Variants in LRRC28 observed in about 807,000 individuals in gnomAD.
The protein encoded by LRRC28 is leucine-rich repeat-containing protein 28.
LRRC28 carries 39 observed loss-of-function variants against 45.7 expected under a neutral mutation model. That is an observed-to-expected ratio of 0.85 (90% CI 0.66 to 1.12). The LOEUF is 1.12. Ranked by LOEUF, LRRC28 falls within the 50% of genes most tolerant of loss-of-function variation. The pLI is 0.00. For synonymous variants in LRRC28, 206 were observed against 178.8 expected (o/e 1.15, Z -1.22); for missense variants, 435 against 438.5 (o/e 0.99, Z 0.07).
chr15:99,277,452 C>T (rs1020321703), intron 3 of LRRC28, among the ~76,000 whole-genome samples: 1 of 152,060 alleles, frequency 6.6e-6, no homozygotes, highest in Non-Finnish European at 1.5e-5. Flanking sequence ...GTCTCCTACC[C>T]CTCTGCCCCC....
chr15:99,352,678 CTTTT>C (rs1416259879), intron 7 of LRRC28, among the ~76,000 whole-genome samples: 4 of 152,102 alleles, frequency 2.6e-5, no homozygotes, highest in Non-Finnish European at 4.4e-5. Flanking sequence ...CCATGTATAC[CTTTT>C]TTTATTACAG....
At chr15:99,257,762 G>A (rs995979250) in intron 2 of LRRC28, 41 of 774,680 alleles carry the variant, frequency 5.3e-5, no homozygotes, top group Admixed American at 3.6e-4. Flanking sequence ...GCTCAAGGAT[G>A]GATGATGAAG....
At chr15:99,278,070 A>T (rs1180809186) in intron 3 of LRRC28, among the ~76,000 whole-genome samples, 1 of 152,168 alleles carries the variant, frequency 6.6e-6, no homozygotes, top group Non-Finnish European at 1.5e-5. Context: ...TTTTCATGAT[A>T]GATTCTCTAT....
intron 9 of LRRC28, among the ~76,000 whole-genome samples, chr15:99,372,845 A>T (rs1358044424): frequency 6.6e-6 from 1 of 152,136 alleles, no homozygotes; most frequent in Non-Finnish European, 1.5e-5. Flanking sequence ...ACAGTTCCAC[A>T]TGGCTGAGGA....
chr15:99,329,455 T>C (rs1015612578), intron 5 of LRRC28, among the ~76,000 whole-genome samples: 1 of 152,238 alleles, frequency 6.6e-6, no homozygotes, highest in African/African-American at 2.4e-5. Flanking sequence ...CACTTTGTTA[T>C]GCTGAGCATT....
chr15:99,365,226 C>T (rs893821172), intron 9 of LRRC28, among the ~76,000 whole-genome samples: 4 of 152,170 alleles, frequency 2.6e-5, no homozygotes, highest in Admixed American at 2.0e-4. Flanking sequence ...TTCCCTGCTA[C>T]AACTTAGAAA....
chr15:99,292,489 C>T (rs532895813), intron 5 of LRRC28, among the ~76,000 whole-genome samples: 3 of 151,514 alleles, frequency 2.0e-5, no homozygotes, highest in East Asian at 3.9e-4. Flanking sequence ...CTCAGCCTCC[C>T]GAGTAGCTGG....
intron 9 of LRRC28, among the ~76,000 whole-genome samples, chr15:99,379,292 C>T (rs1192922572): frequency 6.6e-6 from 1 of 152,164 alleles, no homozygotes; most frequent in Non-Finnish European, 1.5e-5. Context: ...AGGAATTTAT[C>T]CATTTCTTCT....
chr15:99,287,856 A>G lies in LRRC28; in HGVS notation c.290A>G (p.Asp97Gly), dbSNP rs781539517. 13 of 1,613,700 alleles carry G rather than the reference A, an allele frequency of 8.1e-6. No individual in the cohort carries two copies. The South Asian group carries it at 1.4e-4, about 18-fold the overall frequency. ...AAACTCCAATGTCTGGATCTTAGTG[A>G]CAATGCCTTAGAAATTGTTTGCCCA... is the stretch of plus-strand genomic sequence containing the variant. ...LVKLQCLDLSDNALEIVCPEI... is the reference protein window; with the variant it reads ...LVKLQCLDLSGNALEIVCPEI... The change falls in exon 5 of 10, where the codon GAC becomes GGC. Residue 97 changes from aspartate (D) to glycine (G), a missense_variant. Physicochemically the swap from Asp to Gly is moderately conservative, Grantham distance 94 (BLOSUM62 -1). Coordinates refer to ENST00000301981, the MANE Select transcript of LRRC28 (RefSeq NM_144598.5).
chr15:99,345,179 G>T (rs1956639536), intron 6 of LRRC28, among the ~76,000 whole-genome samples: 3 of 151,760 alleles, frequency 2.0e-5, no homozygotes, highest in African/African-American at 7.3e-5. Context: ...ATAGAACAAG[G>T]ATTCAAACCC....
intron 3 of LRRC28, among the ~76,000 whole-genome samples, chr15:99,278,142 G>A (rs1447509024): frequency 6.6e-6 from 1 of 152,112 alleles, no homozygotes; most frequent in Non-Finnish European, 1.5e-5. Context: ...TTCTTTTCCA[G>A]CTGTTATCCC....
chr15:99,361,229 A>G, intron 7 of LRRC28, 107 bp from the exon 8 acceptor site: 1 of 1,310,788 alleles, frequency 7.6e-7, no homozygotes, highest in Non-Finnish European at 1.0e-6. Context: ...CTGGCAATTC[A>G]GCAGTGTCAT....
At chr15:99,358,209 C>T (rs1178164536) in intron 7 of LRRC28, among the ~76,000 whole-genome samples, 2 of 152,046 alleles carry the variant, frequency 1.3e-5, no homozygotes, top group African/African-American at 4.8e-5. Flanking sequence ...ATCTTTGTAC[C>T]ACACATTTAA....
At chr15:99,271,220 T>A (rs1286737244) in intron 2 of LRRC28, among the ~76,000 whole-genome samples, 1 of 152,200 alleles carries the variant, frequency 6.6e-6, no homozygotes, top group African/African-American at 2.4e-5. Context: ...GTTGTGTTTT[T>A]TATTTTCTTG....
At chr15:99,302,978 T>C (rs1007612551) in intron 5 of LRRC28, among the ~76,000 whole-genome samples, 4 of 152,194 alleles carry the variant, frequency 2.6e-5, no homozygotes, top group East Asian at 1.9e-4. Context: ...TGTACAGGCT[T>C]TTTGTAGGCA....
chr15:99,325,006 C>G (rs1955924726), intron 5 of LRRC28, among the ~76,000 whole-genome samples: 1 of 152,196 alleles, frequency 6.6e-6, no homozygotes, highest in Non-Finnish European at 1.5e-5. Context: ...TGTGTTGAAT[C>G]TGCAGATCAG....
intron 2 of LRRC28, among the ~76,000 whole-genome samples, chr15:99,263,636 C>T (rs1429534999): frequency 6.6e-6 from 1 of 152,210 alleles, no homozygotes; most frequent in African/African-American, 2.4e-5. Flanking sequence ...TGTACCTTCA[C>T]TGCCTGGCTT....
At chr15:99,347,890 C>T (rs1358768324) in intron 6 of LRRC28, among the ~76,000 whole-genome samples, 2 of 152,154 alleles carry the variant, frequency 1.3e-5, no homozygotes, top group African/African-American at 4.8e-5. Context: ...ATCTACAGTC[C>T]TACCAACACA....
intron 3 of LRRC28, chr15:99,286,871 A>C (rs1016622454): frequency 6.3e-6 from 1 of 159,120 alleles, no homozygotes; most frequent in Non-Finnish European, 1.4e-5. Context: ...CGAAAAGTTC[A>C]TCTTCCTTTA....
Sources: gnomAD v4.1 joint callset for allele counts (sites outside exome capture counted in the v4.1 genomes callset) on GRCh38, gnomAD v4.1.1 for gene constraint, MANE v1.5 for transcripts, NCBI Gene and HGNC (gene_info 2026-07-23, HGNC 2026-07-21) for gene names.